Variants in PTK2 observed in about 807,000 individuals in gnomAD.
PTK2 encodes the protein focal adhesion kinase 1.
PTK2 carries 45 observed loss-of-function variants against 150.1 expected under a neutral mutation model. The observed-to-expected ratio is 0.30, with a 90% CI of 0.24 to 0.38. PTK2 has a LOEUF of 0.38. Among genes scored for constraint, PTK2 ranks in the 10% least tolerant of loss-of-function variants. The probability of loss-of-function intolerance (pLI) is 1.00; values close to 1 mark genes in which losing one functional copy is unlikely to be tolerated. For missense variants in PTK2, 919 were observed against 1,307.3 expected (o/e 0.70, Z 4.58); for synonymous variants, 432 against 449.2 (o/e 0.96, Z 0.48).
intron 1 of PTK2, among the ~76,000 whole-genome samples, chr8:140,941,092 G>C (rs1370635567): frequency 6.6e-6 from 1 of 152,182 alleles, no homozygotes; most frequent in Non-Finnish European, 1.5e-5. Context: ...GCAATGACAA[G>C]TGAACCATGA....
intron 3 of PTK2, among the ~76,000 whole-genome samples, chr8:140,883,387 T>A (rs955268727): frequency 8.5e-5 from 13 of 152,200 alleles, no homozygotes; most frequent in Non-Finnish European, 1.6e-4. Flanking sequence ...ATATTTTATA[T>A]TTTTAGCTAT....
At chr8:141,000,128 C>CACACACACAG (rs776053140) in intron 1 of PTK2, among the ~76,000 whole-genome samples, 1 of 141,160 alleles carries the variant, frequency 7.1e-6, no homozygotes, top group Admixed American at 7.0e-5. Flanking sequence ...CACACACACC[C>CACACACACAG]CTTCTTCTAA....
At chr8:140,929,831 T>C (rs2100171088) in intron 1 of PTK2, among the ~76,000 whole-genome samples, 1 of 152,140 alleles carries the variant, frequency 6.6e-6, no homozygotes. Flanking sequence ...TATGTATTTT[T>C]CAGTTATGAT....
intron 5 of PTK2, among the ~76,000 whole-genome samples, chr8:140,857,227 C>G (rs745728489): frequency 3.3e-5 from 5 of 152,162 alleles, no homozygotes; most frequent in Non-Finnish European, 5.9e-5. Context: ...CAACCTGGAT[C>G]TGAACTCTGT....
chr8:140,752,388 C>A (rs759165122), intron 16 of PTK2, 72 bp from the exon 20 acceptor site: 6 of 1,422,158 alleles, frequency 4.2e-6, no homozygotes, highest in African/African-American at 1.4e-5. Context: ...TCATGAAAAC[C>A]TGTCTGTTTT....
chr8:140,879,157 A>G (rs1382404604), intron 4 of PTK2: 2 of 199,856 alleles, frequency 1.0e-5, no homozygotes, highest in Non-Finnish European at 2.0e-5. Flanking sequence ...ATACACACAC[A>G]CATATATATA....
At chr8:140,979,798 C>T (rs2100190721) in intron 1 of PTK2, among the ~76,000 whole-genome samples, 1 of 152,154 alleles carries the variant, frequency 6.6e-6, no homozygotes, top group South Asian at 2.1e-4. Context: ...TACAAGCTCT[C>T]TTGACTGCTG....
At chr8:140,898,088 T>C (rs2100157023) in intron 2 of PTK2, among the ~76,000 whole-genome samples, 1 of 152,224 alleles carries the variant, frequency 6.6e-6, no homozygotes, top group Non-Finnish European at 1.5e-5. Context: ...CCAGTTTAAA[T>C]TTCCAACCTA....
intron 14 of PTK2, among the ~76,000 whole-genome samples, chr8:140,770,505 T>C (rs146139048): frequency 6.6e-6 from 1 of 152,328 alleles, no homozygotes; most frequent in East Asian, 1.9e-4. Context: ...AAACAAAAAA[T>C]CTTGTATTCA....
intron 23 of PTK2, among the ~76,000 whole-genome samples, chr8:140,716,466 A>G (rs1315090910): frequency 6.6e-6 from 1 of 152,182 alleles, no homozygotes; most frequent in Non-Finnish European, 1.5e-5. Context: ...CATCCATCAG[A>G]CAGGTATGTG....
In PTK2 at chr8:140,886,669, A is replaced by G. The variant is rs533277200; in HGVS notation, c.195+3874T>C. Among the ~76,000 whole-genome samples the G allele has an allele frequency of 2.0e-5, 3 of 152,278 alleles. No homozygotes were observed. The East Asian group carries it at 5.8e-4, about 29-fold the overall frequency. ...TTTTTCAAAGAGAGCCCATGCTATT[A>G]GCTTTCTATGTCACTACTTCTCTGC... is the stretch of plus-strand genomic sequence containing the variant. On this transcript the variant is annotated intron_variant, in intron 3 of 31. Transcript: ENST00000522684.
chr8:140,673,914 C>T (rs1389947307), intron 29 of PTK2, among the ~76,000 whole-genome samples: 1 of 152,174 alleles, frequency 6.6e-6, no homozygotes, highest in Non-Finnish European at 1.5e-5. Flanking sequence ...CACTTATAAA[C>T]TCCTACAAAA....
chr8:140,753,354 C>T (rs1410518092), intron 16 of PTK2, among the ~76,000 whole-genome samples: 3 of 152,148 alleles, frequency 2.0e-5, no homozygotes, highest in Non-Finnish European at 2.9e-5. Flanking sequence ...ATCAGAAGCT[C>T]GGCCTGGGAT....
At chr8:140,866,168 A>T (rs2100139147) in intron 4 of PTK2, among the ~76,000 whole-genome samples, 1 of 152,238 alleles carries the variant, frequency 6.6e-6, no homozygotes, top group African/African-American at 2.4e-5. Context: ...ACTAAAAAAA[A>T]ATGCTCAGCA....
At chr8:140,879,676 GA>G in intron 3 of PTK2, 39 bp from the exon 4 acceptor site, 4,219 of 34,156 alleles carry the variant, frequency 0.12, 24 homozygotes, top group Middle Eastern at 0.19. Context: ...GTTATAAACT[GA>G]AAAAAAAAAA....
intron 2 of PTK2, among the ~76,000 whole-genome samples, chr8:140,923,351 T>C (rs2100168248): frequency 6.6e-6 from 1 of 152,200 alleles, no homozygotes. Flanking sequence ...TATAGCTGTA[T>C]ATAAAATAAC....
At chr8:140,858,411 G>C (rs2100134064) in intron 5 of PTK2, among the ~76,000 whole-genome samples, 1 of 143,742 alleles carries the variant, frequency 7.0e-6, no homozygotes, top group Non-Finnish European at 1.5e-5. Context: ...GCATGACACA[G>C]ATCAAGCAAG....
chr8:140,907,432 G>A (rs920073791), intron 2 of PTK2, among the ~76,000 whole-genome samples: 1 of 152,122 alleles, frequency 6.6e-6, no homozygotes, highest in Non-Finnish European at 1.5e-5. Context: ...GAGTATTTGG[G>A]AGCATATCGA....
intron 26 of PTK2, among the ~76,000 whole-genome samples, chr8:140,693,030 T>C (rs2100024134): frequency 6.6e-6 from 1 of 152,010 alleles, no homozygotes; most frequent in Non-Finnish European, 1.5e-5. Context: ...TTAAGCATAG[T>C]ATCACATTAG....
Sources: allele counts gnomAD v4.1 joint callset (sites outside exome capture counted in the v4.1 genomes callset), GRCh38; gene constraint gnomAD v4.1.1; transcripts MANE v1.5; gene names NCBI Gene and HGNC (gene_info 2026-07-23, HGNC 2026-07-21).